The following PARD3 variants were observed in gnomAD, a reference collection of about 807,000 sequenced individuals.
PARD3 encodes the protein par-3 family cell polarity regulator.
PARD3 carries 75 observed loss-of-function variants against 155.4 expected under a neutral mutation model. The observed-to-expected ratio is 0.48, with a 90% CI of 0.40 to 0.58. The LOEUF is 0.58. Ranked by LOEUF, PARD3 falls within the 20% of genes least tolerant of loss-of-function variation. PARD3 has a pLI of 0.00. For synonymous variants in PARD3, 576 were observed against 610.5 expected, an observed-to-expected ratio of 0.94 and a Z score of 0.83; for missense variants, 1,642 against 1,721.7, an observed-to-expected ratio of 0.95 and a Z score of 0.82.
chr10:34,807,214 C>T (rs962425305), intron 1 of PARD3, among the ~76,000 whole-genome samples: 13 of 152,144 alleles, frequency 8.5e-5, no homozygotes, highest in African/African-American at 3.1e-4. Flanking sequence ...GCAGGGATTC[C>T]ACACTATATG....
intron 2 of PARD3, among the ~76,000 whole-genome samples, chr10:34,621,610 TGAAA>T (rs779721517): frequency 1.3e-5 from 2 of 152,042 alleles, no homozygotes; most frequent in Non-Finnish European, 2.9e-5. Context: ...CTGCACAAAC[TGAAA>T]GAAAGAGCAC....
chr10:34,790,723 T>A (rs964777440), intron 1 of PARD3, among the ~76,000 whole-genome samples: 2 of 152,264 alleles, frequency 1.3e-5, no homozygotes, highest in Admixed American at 6.5e-5. Flanking sequence ...AGCAAATGTA[T>A]CCTAATGTAA....
intron 2 of PARD3, among the ~76,000 whole-genome samples, chr10:34,583,622 A>G (rs2087712567): frequency 6.6e-6 from 1 of 152,146 alleles, no homozygotes; most frequent in South Asian, 2.1e-4. Context: ...CTGCCTTTAC[A>G]CAGAGTTAAG....
chr10:34,189,549 C>T (rs1950617393), intron 22 of PARD3, among the ~76,000 whole-genome samples: 1 of 152,178 alleles, frequency 6.6e-6, no homozygotes. Context: ...ATCACTTAGG[C>T]ATGCCCTGGA....
chr10:34,144,886 G>A (rs992693921), intron 22 of PARD3, among the ~76,000 whole-genome samples: 1 of 152,028 alleles, frequency 6.6e-6, no homozygotes, highest in African/African-American at 2.4e-5. Context: ...CACCACATAC[G>A]CCAATCTAGG....
chr10:34,275,239 A>G (rs1053874984), intron 21 of PARD3, among the ~76,000 whole-genome samples: 13 of 152,310 alleles, frequency 8.5e-5, no homozygotes, highest in African/African-American at 3.1e-4. Flanking sequence ...GTCATCACCA[A>G]TAATGTTGTC....
chr10:34,757,626 G>A (rs1050303448), intron 1 of PARD3, among the ~76,000 whole-genome samples: 5 of 151,910 alleles, frequency 3.3e-5, no homozygotes, highest in African/African-American at 4.8e-5. Flanking sequence ...TGGGAGAATC[G>A]CTTGAACAAG....
At chr10:34,373,787 CTGTG>C (rs1400760349) in intron 11 of PARD3, among the ~76,000 whole-genome samples, 3 of 151,814 alleles carry the variant, frequency 2.0e-5, no homozygotes, top group Non-Finnish European at 4.4e-5. Context: ...GTTTTAAGAC[CTGTG>C]TGTAACCAGG....
chr10:34,494,550 C>T (rs761400143), intron 3 of PARD3, among the ~76,000 whole-genome samples: 6 of 152,144 alleles, frequency 3.9e-5, no homozygotes, highest in African/African-American at 7.2e-5. Flanking sequence ...AAAAAGTGAC[C>T]AGAAAGCAGG....
chr10:34,537,978 C>T lies in PARD3; in HGVS notation c.223-20819G>A, dbSNP rs147733300. On this transcript the variant is annotated intron_variant, in intron 2 of 24. Transcript: ENST00000374788. The stretch of plus-strand genomic sequence containing the variant: ...CAGTACTGTCAGACAGCGAAGTACA[C>T]TTAGGCAAGTGGCAAATGACAAGGG... Among the ~76,000 whole-genome samples, 4 of 152,312 alleles carry T rather than the reference C, an allele frequency of 2.6e-5. No homozygotes were observed. In the East Asian group the frequency reaches 7.7e-4, roughly 29 times the overall value.
chr10:34,758,984 A>G (rs1394142171), intron 1 of PARD3, among the ~76,000 whole-genome samples: 1 of 152,208 alleles, frequency 6.6e-6, no homozygotes, highest in Admixed American at 6.5e-5. Flanking sequence ...TTGCTGCACA[A>G]AAAGAATAGA....
At chr10:34,443,870 C>G (rs919218521) in intron 5 of PARD3, among the ~76,000 whole-genome samples, 1 of 152,178 alleles carries the variant, frequency 6.6e-6, no homozygotes, top group Non-Finnish European at 1.5e-5. Flanking sequence ...AAGGTATCAT[C>G]ATTGCTCCCA....
chr10:34,369,914 T>C (rs1364390670), intron 12 of PARD3, among the ~76,000 whole-genome samples: 1 of 152,184 alleles, frequency 6.6e-6, no homozygotes, highest in Non-Finnish European at 1.5e-5. Context: ...AGCAAAAGCC[T>C]ATCACGGAGT....
chr10:34,625,220 G>C (rs990089970), intron 2 of PARD3, among the ~76,000 whole-genome samples: 1 of 152,228 alleles, frequency 6.6e-6, no homozygotes, highest in Admixed American at 6.5e-5. Context: ...GCTTTAAAAT[G>C]TGCTTTCTAA....
At chr10:34,145,207 ATATATATATATATATTTT>A (rs1309874588) in intron 22 of PARD3, among the ~76,000 whole-genome samples, 67 of 63,078 alleles carry the variant, frequency 1.1e-3, no homozygotes, top group African/African-American at 5.7e-3. Context: ...ATATATATAT[ATATATATATATATATTTT>A]TTTTTTTTTT....
chr10:34,792,432 C>G (rs928307152), intron 1 of PARD3, among the ~76,000 whole-genome samples: 1 of 152,194 alleles, frequency 6.6e-6, no homozygotes, highest in Admixed American at 6.5e-5. Flanking sequence ...CTCCCATTAT[C>G]AACACGTCAC....
chr10:34,110,925 T>A lies in PARD3; in HGVS notation c.*244A>T. On this transcript the variant is annotated 3_prime_UTR_variant, in exon 25 of 25. Coordinates refer to ENST00000374788, the MANE Select transcript of PARD3 (RefSeq NM_001184785.2). ...TGGTACTGTGGAGAGGCGCAGAGCA[T>A]ATGAACACCTCAAACAGATGATTGT... 2.5e-6 allele frequency: 1 copy of A among 404,898 alleles called. No homozygotes were observed. The highest frequency in any genetic ancestry group is 3.8e-5 in the East Asian group (1 of 26,454). 25.1% of individuals were successfully genotyped at this position (404,898 alleles called of 1,614,324 possible). A position where few individuals can be genotyped will look rare whatever the true frequency, so the allele number is the denominator to read the frequency against.
At chr10:34,577,970 GCCT>G (rs1351864181) in intron 2 of PARD3, among the ~76,000 whole-genome samples, 7 of 151,792 alleles carry the variant, frequency 4.6e-5, no homozygotes, top group Non-Finnish European at 7.4e-5. Flanking sequence ...TCCTGCCTCG[GCCT>G]CCTGAGTAGC....
In PARD3 at chr10:34,465,215, G is replaced by A. The variant is rs557812072; in HGVS notation, c.582+4870C>T. ...TTTCAATCTAATCTTGGTTGAATCC[G>A]TGGATGCAGAACCCATGGACACAGA... is the stretch of plus-strand genomic sequence containing the variant. On this transcript the variant is annotated intron_variant, in intron 4 of 24. Coordinates refer to ENST00000374788, the MANE Select transcript of PARD3 (RefSeq NM_001184785.2). Among the ~76,000 whole-genome samples the A allele has an allele frequency of 7.0e-4, 107 of 152,124 alleles. 1 individual carries two copies. The South Asian group carries it at 7.9e-3, about 11-fold the overall frequency.
Sources: allele counts gnomAD v4.1 joint callset (sites outside exome capture counted in the v4.1 genomes callset), GRCh38; gene constraint gnomAD v4.1.1; transcripts MANE v1.5; gene names NCBI Gene and HGNC (gene_info 2026-07-23, HGNC 2026-07-21).